The following HMCES variants were observed in gnomAD, a reference collection of about 807,000 sequenced individuals.
HMCES encodes 5-hydroxymethylcytosine binding, ES cell specific, also known as abasic site processing protein HMCES.
HMCES carries 27 observed loss-of-function variants against 35.1 expected under a neutral mutation model. That is an observed-to-expected ratio of 0.77 (90% CI 0.57 to 1.06). The LOEUF (loss-of-function observed/expected upper bound fraction) is 1.06. HMCES is among the 50% of genes least tolerant of loss of function. The pLI, the probability that HMCES is intolerant of heterozygous loss-of-function variation, is 0.00. For missense variants in HMCES, 391 were observed against 430.4 expected, an observed-to-expected ratio of 0.91 and a Z score of 0.81; for synonymous variants, 130 against 154.7, an observed-to-expected ratio of 0.84 and a Z score of 1.18.
intron 4 of HMCES, among the ~76,000 whole-genome samples, chr3:129,296,539 G>A (rs187233770): frequency 2.6e-5 from 4 of 151,694 alleles, no homozygotes; most frequent in Admixed American, 2.6e-4. Context: ...TCTTGAATCT[G>A]GTTCTGTTAA....
In HMCES at chr3:129,290,452, T is replaced by C. The variant is rs2070997720; in HGVS notation, c.328-227T>C. Among the ~76,000 whole-genome samples the C allele has an allele frequency of 2.0e-5, 3 of 151,916 alleles. No homozygotes were observed. The South Asian group carries it at 6.3e-4, about 32-fold the overall frequency. ...GTGTGCACTACCACGCCCAGCTGAT[T>C]TTTATATTTTTAGTAGAGATGGGCT... On this transcript the variant is annotated intron_variant, in intron 3 of 6. Coordinates refer to ENST00000383463, the MANE Select transcript of HMCES (RefSeq NM_020187.3).
chr3:129,284,272 TAAAG>T (rs1940575890), intron 2 of HMCES, among the ~76,000 whole-genome samples: 1 of 152,200 alleles, frequency 6.6e-6, no homozygotes, highest in Non-Finnish European at 1.5e-5. Flanking sequence ...AGCATAGCAC[TAAAG>T]TGCTGGCTGG....
intron 4 of HMCES, among the ~76,000 whole-genome samples, chr3:129,291,287 A>G (rs1192767370): frequency 1.3e-5 from 2 of 152,232 alleles, no homozygotes; most frequent in African/African-American, 4.8e-5. Context: ...CAATTCAGGA[A>G]TGTTTTAGTA....
At chr3:129,303,132 A>G (rs2071190710) in intron 6 of HMCES, among the ~76,000 whole-genome samples, 3 of 152,136 alleles carry the variant, frequency 2.0e-5, no homozygotes, top group Admixed American at 6.5e-5. Flanking sequence ...TATTTTAGGA[A>G]GGGAAGGCAA....
At chr3:129,292,082 G>C (rs2071025281) in intron 4 of HMCES, among the ~76,000 whole-genome samples, 1 of 151,962 alleles carries the variant, frequency 6.6e-6, no homozygotes, top group African/African-American at 2.4e-5. Flanking sequence ...TCTCAAAAAT[G>C]AAACAAAAAC....
intron 2 of HMCES, among the ~76,000 whole-genome samples, chr3:129,287,020 G>T (rs1940655448): frequency 6.6e-6 from 1 of 152,180 alleles, no homozygotes; most frequent in Non-Finnish European, 1.5e-5. Flanking sequence ...TGTGTCTAAG[G>T]TTTATTAGTA....
intron 4 of HMCES, among the ~76,000 whole-genome samples, chr3:129,292,881 A>T (rs1196246167): frequency 1.3e-5 from 2 of 152,146 alleles, no homozygotes; most frequent in African/African-American, 4.8e-5. Flanking sequence ...TTATTAAAAA[A>T]ATGTTTAGGG....
Position 129,302,059 on chromosome 3 carries a change from T to C in HMCES, c.745T>C (p.Phe249Leu), listed in dbSNP as rs1198055507. The C allele has an allele frequency of 1.9e-6, 3 of 1,614,196 alleles. No individual in the cohort carries two copies. The Admixed American group carries it at 5.0e-5, about 27-fold the overall frequency. ...KLIHPTENIT[F>L]HAVSSVVNNS... The stretch of plus-strand genomic sequence containing the variant: ...AATCCACCCAACAGAGAACATCACC[T>C]TCCATGCAGTCTCTTCTGTGGTGAA... The change falls in exon 6 of 7, where the codon TTC (phenylalanine) becomes CTC (leucine). Residue 249 changes from phenylalanine (F) to leucine (L), a missense_variant. Phe to Leu is a conservative substitution (Grantham distance 22, BLOSUM62 0). Coordinates refer to ENST00000383463, the MANE Select transcript of HMCES (RefSeq NM_020187.3).
At chr3:129,288,113 C>A (rs1316746722) in intron 2 of HMCES, among the ~76,000 whole-genome samples, 1 of 151,698 alleles carries the variant, frequency 6.6e-6, no homozygotes, top group African/African-American at 2.4e-5. Flanking sequence ...AGTAAAACCT[C>A]ATCTCTACAA....
Position 129,304,747 on chromosome 3 carries a change from C to G in HMCES, c.987C>G (p.Gly329=). The change falls in exon 7 of 7, where the codon GGC becomes GGG. Residue 329 remains glycine (G), a synonymous_variant. Transcript: ENST00000383463. Reference sequence around the variant, plus strand: ...AGAGTCCACTCCCCACCAAGAGAGGCACTGCAGGACTCCTAGAGCAATGGC... The same window carrying G: ...AGAGTCCACTCCCCACCAAGAGAGGGACTGCAGGACTCCTAGAGCAATGGC... The part of the protein sequence containing the change: ...LQKSPLPTKR[G]TAGLLEQWLK... 1.2e-6 allele frequency: 2 copies of G among 1,614,178 alleles called. No individual in the cohort carries two copies. The highest frequency in any genetic ancestry group is 1.7e-6 in the Non-Finnish European group (2 of 1,180,018).
chr3:129,301,210 GA>G (rs71972836), intron 5 of HMCES, among the ~76,000 whole-genome samples: 6,945 of 95,408 alleles, frequency 0.073, 294 homozygotes, highest in African/African-American at 0.25. Flanking sequence ...AAAAAAAGAA[GA>G]AAAAAAAAAA....
chr3:129,288,476 C>T (rs778787057), intron 2 of HMCES, among the ~76,000 whole-genome samples: 6 of 152,194 alleles, frequency 3.9e-5, no homozygotes, highest in Non-Finnish European at 7.3e-5. Context: ...GGGCAAATCA[C>T]TTGAGCCCAG....
intron 2 of HMCES, among the ~76,000 whole-genome samples, chr3:129,288,516 G>A (rs896359998): frequency 2.2e-4 from 33 of 151,756 alleles, no homozygotes; most frequent in Non-Finnish European, 3.7e-4. Flanking sequence ...GCAACATAGC[G>A]AAACCCCATC....
chr3:129,297,008 G>A (rs554254324), intron 4 of HMCES, among the ~76,000 whole-genome samples: 2 of 152,300 alleles, frequency 1.3e-5, no homozygotes, highest in East Asian at 3.9e-4. Context: ...AAAGTGCTGG[G>A]ATGACAGGCA....
At chr3:129,295,158 C>CAAAA (rs77238172) in intron 4 of HMCES, among the ~76,000 whole-genome samples, 4 of 64,688 alleles carry the variant, frequency 6.2e-5, no homozygotes, top group Admixed American at 1.8e-4. Context: ...GACTCCATCT[C>CAAAA]AAAAAAAAAA....
intron 2 of HMCES, among the ~76,000 whole-genome samples, chr3:129,282,295 CAA>C (rs201242976): frequency 2.2e-4 from 20 of 91,048 alleles, no homozygotes; most frequent in Middle Eastern, 6.5e-3. Flanking sequence ...CTGTTTTTAA[CAA>C]AAAAAAAAAA....
Position 129,304,741 on chromosome 3 carries a change from G to A in HMCES, c.981G>A (p.Lys327=), listed in dbSNP as rs1560079692. The A allele has an allele frequency of 1.9e-6, 3 of 1,614,220 alleles. No individual in the cohort carries two copies. Among genetic ancestry groups the A allele is most frequent in the Non-Finnish European group, 2.5e-6 (3 of 1,180,038 alleles). Residue 327 remains lysine (K), a synonymous_variant, in exon 7 of 7, where the codon AAG becomes AAA. Transcript: ENST00000383463. ...TGCAGAAGAGTCCACTCCCCACCAA[G>A]AGAGGCACTGCAGGACTCCTAGAGC... ...QFLQKSPLPT[K]RGTAGLLEQW... is the part of the protein sequence containing the mutation.
At chr3:129,302,243 T>C in intron 6 of HMCES, 101 bp downstream of exon 6, 1 of 1,041,888 alleles carries the variant, frequency 9.6e-7, no homozygotes, top group Non-Finnish European at 1.4e-6. Flanking sequence ...CCCTTTAATT[T>C]GGACCATCAA....
rs1035969673 is a variant in HMCES, at chr3:129,285,561, C to G, written c.184-3293C>G. Among the ~76,000 whole-genome samples, 3 of 152,046 alleles carry G rather than the reference C, an allele frequency of 2.0e-5. No homozygotes were observed. The East Asian group carries it at 5.8e-4, about 29-fold the overall frequency. ...CTTCCTCCCGGGTTCACGCCATTCT[C>G]CTGCCTCAGCCTTCTGAGTAGCTGG... On this transcript the variant is annotated intron_variant, in intron 2 of 6. Transcript: ENST00000383463.
Sources: allele counts gnomAD v4.1 joint callset (sites outside exome capture counted in the v4.1 genomes callset), GRCh38; gene constraint gnomAD v4.1.1; transcripts MANE v1.5; gene names NCBI Gene and HGNC (gene_info 2026-07-23, HGNC 2026-07-21).